Variants in PIK3CB observed in about 807,000 individuals in gnomAD.
The protein encoded by PIK3CB is phosphatidylinositol-4,5-bisphosphate 3-kinase catalytic subunit beta.
In PIK3CB, 39 loss-of-function variants were observed where a neutral mutation model predicts 136.8. The observed-to-expected ratio is 0.29, with a 90% CI of 0.22 to 0.37. PIK3CB has a LOEUF of 0.37. Ranked by LOEUF, PIK3CB falls within the 10% of genes least tolerant of loss-of-function variation. The pLI is 1.00. For synonymous variants in PIK3CB, 428 were observed against 436.6 expected, an observed-to-expected ratio of 0.98 and a Z score of 0.25; for missense variants, 868 against 1,275.4, an observed-to-expected ratio of 0.68 and a Z score of 4.87.
chr3:138,667,489 AAAATT>A (rs1438289543), intron 19 of PIK3CB, among the ~76,000 whole-genome samples: 2 of 152,008 alleles, frequency 1.3e-5, no homozygotes, highest in Non-Finnish European at 2.9e-5. Flanking sequence ...GATAGTTTCT[AAAATT>A]AAACAGTTTC....
rs1035838844 is a variant in PIK3CB, at chr3:138,694,884, C to A, written c.1794G>T (p.Trp598Cys). ...GGGCCTCCCGGGGGGGCAGTTTAGGCCAAATCTGAAGCAGCGCCTGAAGCT... is the reference window on the plus strand; with the variant it reads ...GGGCCTCCCGGGGGGGCAGTTTAGGACAAATCTGAAGCAGCGCCTGAAGCT... ...VAQLQALLQIWPKLPPREALE... is the reference protein window; with the variant it reads ...VAQLQALLQICPKLPPREALE... The change falls in exon 14 of 24, where the codon TGG becomes TGT. Residue 598 changes from tryptophan (W) to cysteine (C), a missense_variant. Coordinates refer to ENST00000674063, the MANE Select transcript of PIK3CB (RefSeq NM_006219.3). The A allele has an allele frequency of 3.1e-6, 5 of 1,607,808 alleles. No homozygotes were observed. The highest frequency in any genetic ancestry group is 8.5e-7 in the Non-Finnish European group (1 of 1,177,400).
Position 138,787,044 on chromosome 3 carries a change from T to C in PIK3CB, c.-17+9419A>G, listed in dbSNP as rs966723187. On this transcript the variant is annotated intron_variant, in intron 2 of 23. Transcript: ENST00000674063. ...CAGAAACAGTAAGCACTCAACAATA[T>C]CATCTTTATGAACATTTTTTCTAAC... 2.0e-5 allele frequency among the ~76,000 whole-genome samples: 3 copies of C among 152,254 alleles called. No individual in the cohort carries two copies. The East Asian group carries it at 5.8e-4, about 29-fold the overall frequency.
At chr3:138,748,156 TACACACACACACACACACACAC>T (rs3071146) in intron 4 of PIK3CB, among the ~76,000 whole-genome samples, 1 of 142,992 alleles carries the variant, frequency 7.0e-6, no homozygotes, top group Non-Finnish European at 1.5e-5. Flanking sequence ...TTAGAAATCA[TACACACACACACACACACACAC>T]ACACACACAC....
intron 3 of PIK3CB, among the ~76,000 whole-genome samples, chr3:138,757,185 C>T (rs2045584021): frequency 6.6e-6 from 1 of 152,116 alleles, no homozygotes; most frequent in African/African-American, 2.4e-5. Context: ...GTGGGCAGAT[C>T]ATGAGGTCAA....
In PIK3CB at chr3:138,656,271, G is replaced by T. The variant is rs1189503825; in HGVS notation, c.2946C>A (p.Phe982Leu). The change falls in exon 23 of 24, where the codon TTC becomes TTA. Residue 982 changes from phenylalanine (F) to leucine (L), a missense_variant. Physicochemically the swap from Phe to Leu is conservative, Grantham distance 22 (BLOSUM62 0). Around this residue, in one of 4 missense-constraint regions of PIK3CB, gnomAD observed 88 missense variants for 147.8 expected, o/e 0.60. Coordinates refer to ENST00000674063, the MANE Select transcript of PIK3CB (RefSeq NM_006219.3). ...GATATGCATCCTCACAACACTGGCG[G>T]AACCTTTGGGTGATGCAGCAAACCA... ...KTGNTEKFGRFRQCCEDAYLI... is the reference protein window; with the variant it reads ...KTGNTEKFGRLRQCCEDAYLI... 6.2e-7 allele frequency: 1 copy of T among 1,613,990 alleles called. No individual in the cohort carries two copies. Among genetic ancestry groups the T allele is most frequent in the Non-Finnish European group, 8.5e-7 (1 of 1,180,004 alleles).
intron 1 of PIK3CB, among the ~76,000 whole-genome samples, chr3:138,815,139 CAAAAAAA>C (rs71637082): frequency 0.032 from 1,211 of 38,010 alleles, 28 homozygotes; most frequent in African/African-American, 0.15. Context: ...GACTCCGTCT[CAAAAAAA>C]AAAAAAAAAA....
At chr3:138,738,755 T>TA (rs541299764) in intron 5 of PIK3CB, among the ~76,000 whole-genome samples, 162 of 152,294 alleles carry the variant, frequency 1.1e-3, no homozygotes, top group African/African-American at 3.3e-3. Flanking sequence ...TATATGATCA[T>TA]ATACTAAAGA....
intron 19 of PIK3CB, 72 bp from the exon 20 acceptor site, chr3:138,665,275 T>C: frequency 8.3e-7 from 1 of 1,203,610 alleles, no homozygotes; most frequent in Non-Finnish European, 1.1e-6. Flanking sequence ...AGATTTTCCC[T>C]TTACTTTTTA....
chr3:138,825,615 G>C (rs1933745476), intron 1 of PIK3CB: 1 of 618,300 alleles, frequency 1.6e-6, no homozygotes, highest in Admixed American at 2.7e-5. Flanking sequence ...GCAATGCCAG[G>C]GGAACCATGC....
intron 18 of PIK3CB, 104 bp downstream of exon 18, chr3:138,683,574 G>A: frequency 1.5e-6 from 1 of 679,844 alleles, no homozygotes; most frequent in South Asian, 1.7e-5. Flanking sequence ...CTTCCTGGCT[G>A]CAAATTGTTA....
chr3:138,813,542 C>A (rs1473672087), intron 1 of PIK3CB, among the ~76,000 whole-genome samples: 1 of 151,690 alleles, frequency 6.6e-6, no homozygotes, highest in Non-Finnish European at 1.5e-5. Context: ...CTCAGCCTCC[C>A]GAGTAGCTGG....
At chr3:138,809,995 TAAAA>T (rs895430427) in intron 1 of PIK3CB, among the ~76,000 whole-genome samples, 20 of 151,868 alleles carry the variant, frequency 1.3e-4, no homozygotes, top group African/African-American at 4.6e-4. Flanking sequence ...GTAATGTAAC[TAAAA>T]AAGTGTTCAA....
rs558677815 is a variant in PIK3CB at position 138,675,043 on chromosome 3, A to T, written c.2504+6924T>A. ...ACTGCACTCCAGCCTGGGCGACAGC[A>T]CAAGACCCTATCTCAAAACAAAACA... On this transcript the variant is annotated intron_variant, in intron 19 of 23. Coordinates refer to ENST00000674063, the MANE Select transcript of PIK3CB (RefSeq NM_006219.3). 5.3e-5 allele frequency among the ~76,000 whole-genome samples: 8 copies of T among 152,282 alleles called. No individual in the cohort carries two copies. The South Asian group carries it at 1.7e-3, about 32-fold the overall frequency.
At chr3:138,706,531 C>T (rs893923479) in intron 11 of PIK3CB, among the ~76,000 whole-genome samples, 1 of 152,306 alleles carries the variant, frequency 6.6e-6, no homozygotes, top group South Asian at 2.1e-4. Flanking sequence ...TTTGAAACAA[C>T]ATTTTATGTA....
chr3:138,824,508 G>C (rs1021710509), intron 1 of PIK3CB, among the ~76,000 whole-genome samples: 16 of 151,968 alleles, frequency 1.1e-4, no homozygotes, highest in Admixed American at 2.6e-4. Flanking sequence ...AAAATAAGGA[G>C]ATATGGCCGG....
At chr3:138,810,031 A>C (rs557073464) in intron 1 of PIK3CB, among the ~76,000 whole-genome samples, 2 of 151,928 alleles carry the variant, frequency 1.3e-5, no homozygotes, top group Non-Finnish European at 2.9e-5. Flanking sequence ...CACACACACG[A>C]ACACACACAC....
chr3:138,715,370 T>C (rs967785962), intron 8 of PIK3CB, among the ~76,000 whole-genome samples: 3 of 152,158 alleles, frequency 2.0e-5, no homozygotes, highest in South Asian at 4.1e-4. Flanking sequence ...TTATCACCAA[T>C]TTAAAACTCA....
At chr3:138,793,851 C>A (rs1456607540) in intron 2 of PIK3CB, among the ~76,000 whole-genome samples, 1 of 152,182 alleles carries the variant, frequency 6.6e-6, no homozygotes, top group African/African-American at 2.4e-5. Context: ...GAGGCACCAT[C>A]TCTTAAAAAA....
intron 14 of PIK3CB, among the ~76,000 whole-genome samples, chr3:138,691,951 G>GAT (rs1325360469): frequency 6.6e-6 from 1 of 152,152 alleles, no homozygotes; most frequent in Non-Finnish European, 1.5e-5. Flanking sequence ...AGTTGTCCCA[G>GAT]ATAACCAATG....
Sources: gnomAD v4.1 joint callset for allele counts (sites outside exome capture counted in the v4.1 genomes callset) on GRCh38, gnomAD v4.1.1 for gene constraint, gnomAD v4.1.1 regional missense constraint, MANE v1.5 for transcripts, NCBI Gene and HGNC (gene_info 2026-07-23, HGNC 2026-07-21) for gene names.